GRM8: variants seen among roughly 807,000 people sequenced by gnomAD.
GRM8 encodes the protein metabotropic glutamate receptor 8.
GRM8 carries 47 observed loss-of-function variants against 87.2 expected under a neutral mutation model. The observed-to-expected ratio is 0.54, with a 90% CI of 0.43 to 0.69. The LOEUF (loss-of-function observed/expected upper bound fraction) is 0.69, where lower values mean the gene tolerates loss of function less well. GRM8 is among the 30% of genes least tolerant of loss of function. The probability of loss-of-function intolerance (pLI) is 0.00; values close to 1 mark genes in which losing one functional copy is unlikely to be tolerated. For synonymous variants in GRM8, 396 were observed against 404.5 expected (o/e 0.98, Z 0.25); for missense variants, 1,019 against 1,139.2 (o/e 0.89, Z 1.52).
intron 6 of GRM8, among the ~76,000 whole-genome samples, chr7:126,855,497 A>T (rs1392158508): frequency 3.5e-5 from 5 of 143,688 alleles, no homozygotes; most frequent in African/African-American, 1.3e-4. Context: ...TTTGAGACAG[A>T]GTCTCGTTCT....
At chr7:127,210,456 T>C (rs1344532548) in intron 2 of GRM8, among the ~76,000 whole-genome samples, 1 of 152,196 alleles carries the variant, frequency 6.6e-6, no homozygotes, top group Non-Finnish European at 1.5e-5. Flanking sequence ...GCAGTGGTGT[T>C]GTAAGGGAGT....
intron 6 of GRM8, among the ~76,000 whole-genome samples, chr7:126,777,530 C>T (rs1382914620): frequency 6.6e-6 from 1 of 152,102 alleles, no homozygotes; most frequent in Non-Finnish European, 1.5e-5. Flanking sequence ...TTTACTTACA[C>T]CCACCAGACC....
intron 2 of GRM8, among the ~76,000 whole-genome samples, chr7:127,205,741 T>G (rs183694594): frequency 4.2e-4 from 64 of 152,302 alleles, no homozygotes; most frequent in African/African-American, 1.5e-3. Context: ...GCCCTATGGT[T>G]CTGTTTGTGC....
Position 127,243,319 on chromosome 7 carries a change from A to C in GRM8, c.-115T>G. The stretch of plus-strand genomic sequence containing the variant: ...GCTACCATCAGGGCCCATGGGGAAA[A>C]GGCTCTGTGGGCATTAGCAAGTTTT... On this transcript the variant is annotated 5_prime_UTR_variant, in exon 2 of 11. Transcript: ENST00000339582. 1 of 906,826 alleles carries C rather than the reference A, an allele frequency of 1.1e-6. No individual in the cohort carries two copies. Among genetic ancestry groups the C allele is most frequent in the South Asian group, 1.7e-5 (1 of 60,044 alleles). 56.2% of individuals were successfully genotyped at this position (906,826 alleles called of 1,614,324 possible). A position where few individuals can be genotyped will look rare whatever the true frequency, so the allele number is the denominator to read the frequency against.
At chr7:127,136,109 G>A (rs1340366391) in intron 2 of GRM8, among the ~76,000 whole-genome samples, 2 of 151,984 alleles carry the variant, frequency 1.3e-5, no homozygotes, top group Non-Finnish European at 2.9e-5. Flanking sequence ...GCTACATATG[G>A]GCACCTAATT....
intron 9 of GRM8, among the ~76,000 whole-genome samples, chr7:126,468,027 T>C (rs891769425): frequency 6.6e-6 from 1 of 152,058 alleles, no homozygotes; most frequent in Non-Finnish European, 1.5e-5. Flanking sequence ...TTTATAACGA[T>C]ATCATCTCTA....
chr7:126,938,640 T>C (rs1160577160), intron 3 of GRM8, among the ~76,000 whole-genome samples: 1 of 152,140 alleles, frequency 6.6e-6, no homozygotes, highest in Non-Finnish European at 1.5e-5. Context: ...TAAGTAAAAC[T>C]ATATTCAACT....
intron 7 of GRM8, among the ~76,000 whole-genome samples, chr7:126,760,072 C>T (rs972654042): frequency 3.9e-5 from 6 of 152,166 alleles, no homozygotes; most frequent in Non-Finnish European, 8.8e-5. Context: ...GTTCCTACAT[C>T]TGTTTCCTCA....
At chr7:126,470,798 G>T (rs368531102) in intron 9 of GRM8, among the ~76,000 whole-genome samples, 12 of 152,110 alleles carry the variant, frequency 7.9e-5, no homozygotes, top group African/African-American at 2.4e-4. Context: ...CTAGTTTACA[G>T]TCCCACCAAC....
chr7:126,572,254 G>T (rs1794746411), intron 8 of GRM8, among the ~76,000 whole-genome samples: 1 of 152,108 alleles, frequency 6.6e-6, no homozygotes, highest in Admixed American at 6.6e-5. Flanking sequence ...AAAGCAAAAA[G>T]ATAAATATGA....
At chr7:127,099,993 A>G (rs1276491191) in intron 3 of GRM8, among the ~76,000 whole-genome samples, 1 of 152,160 alleles carries the variant, frequency 6.6e-6, no homozygotes, top group Non-Finnish European at 1.5e-5. Flanking sequence ...ATGTGATGGT[A>G]GAGGCAGAGA....
chr7:126,457,734 A>T (rs554011990), intron 9 of GRM8, among the ~76,000 whole-genome samples: 1 of 151,276 alleles, frequency 6.6e-6, no homozygotes, highest in Non-Finnish European at 1.5e-5. Flanking sequence ...ATCTCAAAAA[A>T]CTAAAGAAAA....
At chr7:126,693,227 G>A (rs1809014012) in intron 7 of GRM8, among the ~76,000 whole-genome samples, 2 of 152,110 alleles carry the variant, frequency 1.3e-5, no homozygotes, top group South Asian at 4.1e-4. Context: ...AATAGGCAGT[G>A]TTATACTAAC....
At position 126,477,263 on chromosome 7, in the gene GRM8, G is replaced by A. The variant is rs1267339070; in HGVS notation, c.2431-30891C>T. On this transcript the variant is annotated intron_variant, in intron 9 of 10. Transcript: ENST00000339582. ...GGGTGGGGGAAATGGGGTAATGTTGGTCAAAGCATACAAAGTTTCAGTTAT... is the reference window on the plus strand; with the variant it reads ...GGGTGGGGGAAATGGGGTAATGTTGATCAAAGCATACAAAGTTTCAGTTAT... Among the ~76,000 whole-genome samples the A allele has an allele frequency of 2.0e-5, 3 of 151,988 alleles. No individual in the cohort carries two copies. In the East Asian group the frequency reaches 5.8e-4, roughly 29 times the overall value.
intron 9 of GRM8, among the ~76,000 whole-genome samples, chr7:126,483,762 TCCC>T (rs1563057720): frequency 7.6e-3 from 366 of 47,882 alleles, no homozygotes; most frequent in African/African-American, 0.028. Flanking sequence ...CCTCCCTCCC[TCCC>T]TCCCTCCCTT....
chr7:126,985,855 T>C (rs1490514874), intron 3 of GRM8, among the ~76,000 whole-genome samples: 2 of 152,208 alleles, frequency 1.3e-5, no homozygotes, highest in African/African-American at 4.8e-5. Flanking sequence ...AGTGACATAC[T>C]GGGGATTAAG....
chr7:127,029,760 C>T (rs547893713), intron 3 of GRM8, among the ~76,000 whole-genome samples: 1 of 152,030 alleles, frequency 6.6e-6, no homozygotes, highest in Non-Finnish European at 1.5e-5. Context: ...CTGAATACAG[C>T]ACACCAGTGG....
intron 6 of GRM8, among the ~76,000 whole-genome samples, chr7:126,861,477 C>A (rs894333574): frequency 6.6e-6 from 1 of 152,026 alleles, no homozygotes; most frequent in Non-Finnish European, 1.5e-5. Flanking sequence ...AAACTGCCCT[C>A]TAAAGTAGTT....
chr7:126,800,221 C>T (rs1822499902), intron 6 of GRM8, among the ~76,000 whole-genome samples: 1 of 152,010 alleles, frequency 6.6e-6, no homozygotes, highest in African/African-American at 2.4e-5. Flanking sequence ...CTCTACGAAT[C>T]TCATCATATC....
Sources: gnomAD v4.1 joint callset for allele counts (sites outside exome capture counted in the v4.1 genomes callset) on GRCh38, gnomAD v4.1.1 for gene constraint, MANE v1.5 for transcripts, NCBI Gene and HGNC (gene_info 2026-07-23, HGNC 2026-07-21) for gene names.